Variants in NREP observed in about 807,000 individuals in gnomAD.
The protein encoded by NREP is neuronal regeneration related protein.
A neutral mutation model predicts 8.6 loss-of-function variants in NREP; 5 were observed. The observed-to-expected ratio is 0.58, with a 90% CI of 0.30 to 1.22. NREP has a LOEUF of 1.22. Ranked by LOEUF, NREP falls within the 50% of genes most tolerant of loss-of-function variation. The pLI is 0.07. For synonymous variants in NREP, 27 were observed against 28.0 expected (o/e 0.96, Z 0.11); for missense variants, 86 against 82.5 (o/e 1.04, Z -0.17).
chr5:111,963,155 C>G (rs1447885651), intron 2 of NREP, among the ~76,000 whole-genome samples: 1 of 152,248 alleles, frequency 6.6e-6, no homozygotes, highest in Non-Finnish European at 1.5e-5. Context: ...TCTGGGGCTT[C>G]AGGGGTCACA....
intron 2 of NREP, among the ~76,000 whole-genome samples, chr5:111,849,467 A>T (rs1753258021): frequency 6.6e-6 from 1 of 152,180 alleles, no homozygotes; most frequent in Admixed American, 6.5e-5. Context: ...TCTTAAAAGC[A>T]CTGAGGAGCC....
chr5:111,870,263 CTATTAAAAA>C (rs1035551867), intron 2 of NREP, among the ~76,000 whole-genome samples: 25 of 152,212 alleles, frequency 1.6e-4, no homozygotes, highest in Non-Finnish European at 2.9e-4. Flanking sequence ...AACCCTGTCT[CTATTAAAAA>C]TACAAAATCA....
intron 2 of NREP, among the ~76,000 whole-genome samples, chr5:111,744,195 T>C (rs1309430471): frequency 1.3e-5 from 2 of 152,156 alleles, no homozygotes; most frequent in Non-Finnish European, 2.9e-5. Context: ...CAATGTATCC[T>C]CTTCTACTGG....
chr5:111,889,787 G>A lies in NREP; in HGVS notation c.135+85487C>T, dbSNP rs564644493. ...TGCAAGTGGGCTGAGTCCAAAAAGA[G>A]AGTCAGCAAAGGGAGATGGGGTGGG... On this transcript the variant is annotated intron_variant, in intron 2 of 3. Coordinates refer to the NREP transcript ENST00000395634. Among the ~76,000 whole-genome samples the A allele has an allele frequency of 2.0e-5, 3 of 152,276 alleles. No homozygotes were observed. In the East Asian group the frequency reaches 5.8e-4, roughly 29 times the overall value.
At chr5:111,753,598 A>C (rs983397939) in intron 2 of NREP, among the ~76,000 whole-genome samples, 1 of 152,018 alleles carries the variant, frequency 6.6e-6, no homozygotes, top group African/African-American at 2.4e-5. Flanking sequence ...CCTTTACTAA[A>C]TAGGTAAAAT....
intron 2 of NREP, among the ~76,000 whole-genome samples, chr5:111,864,287 C>G (rs1256861704): frequency 6.6e-6 from 1 of 152,020 alleles, no homozygotes; most frequent in East Asian, 1.9e-4. Context: ...GATGGAAATA[C>G]TTTTAATGTA....
intron 2 of NREP, among the ~76,000 whole-genome samples, chr5:111,838,615 C>T (rs1018719876): frequency 5.3e-5 from 8 of 152,032 alleles, no homozygotes; most frequent in African/African-American, 1.4e-4. Flanking sequence ...CATCTTCTAT[C>T]GGAGGGTTTC....
chr5:111,919,910 AG>A (rs1490443287), intron 2 of NREP, among the ~76,000 whole-genome samples: 35 of 151,188 alleles, frequency 2.3e-4, no homozygotes, highest in South Asian at 1.5e-3. Flanking sequence ...AAAGAAAGAA[AG>A]AAAGAAAGAT....
chr5:111,860,054 T>C (rs571691153), intron 2 of NREP, among the ~76,000 whole-genome samples: 79 of 152,296 alleles, frequency 5.2e-4, no homozygotes, highest in Non-Finnish European at 2.6e-4. Flanking sequence ...ACGTTGTGAG[T>C]GAAAAATGTT....
chr5:111,829,258 A>C (rs557148875), intron 2 of NREP, among the ~76,000 whole-genome samples: 1 of 152,276 alleles, frequency 6.6e-6, no homozygotes, highest in East Asian at 1.9e-4. Flanking sequence ...GTGAGAGACC[A>C]AAAAAGGGTT....
chr5:111,875,904 G>A (rs1753895823), intron 2 of NREP, among the ~76,000 whole-genome samples: 1 of 152,160 alleles, frequency 6.6e-6, no homozygotes, highest in Non-Finnish European at 1.5e-5. Flanking sequence ...GAGGGGTCCT[G>A]GAAAAATGGA....
At chr5:111,755,234 T>C (rs1375269528) in intron 2 of NREP, 1 of 153,086 alleles carries the variant, frequency 6.5e-6, no homozygotes, top group East Asian at 1.9e-4. Context: ...TACATGTCTC[T>C]CACAAATGAA....
intron 2 of NREP, among the ~76,000 whole-genome samples, chr5:111,870,732 G>C (rs1474213799): frequency 6.6e-6 from 1 of 152,026 alleles, no homozygotes; most frequent in Non-Finnish European, 1.5e-5. Context: ...AAAAGAGAGA[G>C]ACACACAGGA....
intron 2 of NREP, among the ~76,000 whole-genome samples, chr5:111,788,228 A>T (rs255882): frequency 1.3e-5 from 2 of 152,228 alleles, no homozygotes; most frequent in African/African-American, 4.8e-5. Context: ...TGTAGGTTCA[A>T]TGGGCCAAAA....
chr5:111,775,091 A>G (rs532593742), intron 2 of NREP, among the ~76,000 whole-genome samples: 4 of 152,240 alleles, frequency 2.6e-5, no homozygotes, highest in South Asian at 4.1e-4. Context: ...GCGTTTTGCT[A>G]TGTTGCTCAG....
chr5:111,886,468 C>T (rs1420701918), intron 2 of NREP, among the ~76,000 whole-genome samples: 1 of 152,254 alleles, frequency 6.6e-6, no homozygotes, highest in South Asian at 2.1e-4. Flanking sequence ...CATCCCATTA[C>T]TGAGTATATA....
At chr5:111,967,293 T>TG (rs1756669967) in intron 2 of NREP, among the ~76,000 whole-genome samples, 1 of 6,500 alleles carries the variant, frequency 1.5e-4, no homozygotes, top group Admixed American at 1.6e-3. Flanking sequence ...TCTTTCTTTA[T>TG]ATTTTTTTCT....
chr5:111,811,373 G>A (rs968760035), intron 2 of NREP, among the ~76,000 whole-genome samples: 5 of 152,064 alleles, frequency 3.3e-5, no homozygotes, highest in African/African-American at 1.2e-4. Context: ...TTATGTGCTT[G>A]GTCAGCTGTC....
chr5:111,781,308 G>C (rs538736867), intron 2 of NREP, among the ~76,000 whole-genome samples: 2 of 152,178 alleles, frequency 1.3e-5, no homozygotes, highest in African/African-American at 4.8e-5. Context: ...TTCCTCTCAC[G>C]ATGCCTGCTC....
Sources: gnomAD v4.1 joint callset for allele counts (sites outside exome capture counted in the v4.1 genomes callset) on GRCh38, gnomAD v4.1.1 for gene constraint, MANE v1.5 for transcripts, NCBI Gene and HGNC (gene_info 2026-07-23, HGNC 2026-07-21) for gene names.